EFHB: variants seen among roughly 807,000 people sequenced by gnomAD.
EFHB encodes EF-hand domain family member B, also known as EF-hand domain-containing family member B.
In EFHB, 91 loss-of-function variants were observed where a neutral mutation model predicts 87.2. The observed-to-expected ratio is 1.04, with a 90% CI of 0.88 to 1.24. EFHB has a LOEUF of 1.24. EFHB is among the 50% of genes most tolerant of loss of function. The probability of loss-of-function intolerance (pLI) is 0.00; values close to 1 mark genes in which losing one functional copy is unlikely to be tolerated. For synonymous variants in EFHB, 325 were observed against 333.6 expected (o/e 0.97, Z 0.28); for missense variants, 1,084 against 998.8 (o/e 1.09, Z -1.15).
At chr3:19,927,952 T>C (rs1695688341) in intron 1 of EFHB, among the ~76,000 whole-genome samples, 1 of 148,674 alleles carries the variant, frequency 6.7e-6, no homozygotes, top group Non-Finnish European at 1.5e-5. Context: ...ATATATAGTA[T>C]ATACTATATA....
At chr3:19,912,087 A>G (rs550217150) in intron 5 of EFHB, among the ~76,000 whole-genome samples, 40 of 152,202 alleles carry the variant, frequency 2.6e-4, no homozygotes, top group Non-Finnish European at 5.1e-4. Context: ...ATCAATATCC[A>G]AGTACAAGAA....
At chr3:19,940,089 C>G (rs1696122040) in intron 1 of EFHB, among the ~76,000 whole-genome samples, 1 of 152,124 alleles carries the variant, frequency 6.6e-6, no homozygotes, top group Non-Finnish European at 1.5e-5. Flanking sequence ...GGCTTACTTT[C>G]TATGTACTTC....
At chr3:19,920,714 T>A in intron 1 of EFHB, 147 bp from the exon 2 acceptor site, 1 of 584,306 alleles carries the variant, frequency 1.7e-6, no homozygotes, top group Non-Finnish European at 3.0e-6. Context: ...ATAGTAAATG[T>A]AAAGCAATCT....
chr3:19,926,907 G>A (rs183053048), intron 1 of EFHB, among the ~76,000 whole-genome samples: 6 of 151,952 alleles, frequency 3.9e-5, no homozygotes, highest in South Asian at 2.1e-4. Flanking sequence ...TGATCCACCC[G>A]CCTCGGCCTC....
rs1181118568 is a variant in EFHB, at chr3:19,882,665, C to A, written c.2213G>T (p.Ser738Ile). 6 of 1,613,672 alleles carry A rather than the reference C, an allele frequency of 3.7e-6. No individual in the cohort carries two copies. Among genetic ancestry groups the A allele is most frequent in the Non-Finnish European group, 5.1e-6 (6 of 1,179,822 alleles). The stretch of plus-strand genomic sequence containing the variant: ...TTCTTCACCATAATTAGTTCTGTCA[C>A]TGATGCGACGAATTCGGGGAGCAGG... ...DIPAPRIRRI[S>I]DRTNYGEEGS... The change falls in exon 12 of 13, where the codon AGT (serine) becomes ATT (isoleucine). Residue 738 changes from serine (S) to isoleucine (I), a missense_variant. By Grantham distance (142) the Ser-to-Ile change is moderately radical. Coordinates refer to ENST00000295824, the MANE Select transcript of EFHB (RefSeq NM_144715.4).
chr3:19,899,339 T>C (rs1180838710), intron 7 of EFHB, 93 bp downstream of exon 7: 1 of 767,476 alleles, frequency 1.3e-6, no homozygotes, highest in African/African-American at 1.8e-5. Context: ...ATTTAATAGA[T>C]AGAATCTAAT....
At chr3:19,908,590 G>GAAAGAAAGAA (rs1244772767) in intron 5 of EFHB, among the ~76,000 whole-genome samples, 17 of 111,222 alleles carry the variant, frequency 1.5e-4, no homozygotes, top group South Asian at 8.3e-4. Context: ...GAGAGAGAGA[G>GAAAGAAAGAA]AGAGAGAGAG....
intron 5 of EFHB, among the ~76,000 whole-genome samples, chr3:19,907,764 G>A (rs1043879411): frequency 2.0e-5 from 3 of 152,040 alleles, no homozygotes; most frequent in Non-Finnish European, 4.4e-5. Flanking sequence ...CAACCAAGAG[G>A]GTAAGAAATG....
rs759216974 is a variant in EFHB at position 19,918,328 on chromosome 3, G to A, written c.1081C>T (p.Arg361Ter). ...DKKESIYLSNRRAPLGKSHDQ... is the reference protein window; with the variant it reads ...DKKESIYLSN ...TGAGATTTTCCTAATGGTGCTCGTC[G>A]ATTGCTAAGATATATAGATTCTTTT... Residue 361 changes from arginine (R) to a stop codon, truncating the protein, a stop_gained, in exon 4 of 13, where the codon CGA becomes TGA. Coordinates refer to ENST00000295824, the MANE Select transcript of EFHB (RefSeq NM_144715.4). LOFTEE classifies it high-confidence loss of function. 69 of 1,612,864 alleles carry A rather than the reference G, an allele frequency of 4.3e-5. No homozygotes were observed. Among genetic ancestry groups the A allele is most frequent in the African/African-American group, 6.7e-5 (5 of 74,762 alleles).
intron 4 of EFHB, 139 bp downstream of exon 4, chr3:19,918,093 T>G (rs990342490): frequency 1.0e-6 from 1 of 1,002,946 alleles, no homozygotes; most frequent in African/African-American, 1.7e-5. Flanking sequence ...AGTAACTTTC[T>G]TGCAACAATC....
At chr3:19,928,775 T>C (rs1695721917) in intron 1 of EFHB, among the ~76,000 whole-genome samples, 1 of 152,154 alleles carries the variant, frequency 6.6e-6, no homozygotes, top group Non-Finnish European at 1.5e-5. Flanking sequence ...TTGTATTTTT[T>C]TTCTTATCAT....
chr3:19,891,408 CA>C (rs893066431), intron 9 of EFHB, among the ~76,000 whole-genome samples: 27 of 152,274 alleles, frequency 1.8e-4, no homozygotes, highest in African/African-American at 6.5e-4. Context: ...TCACCTGAAG[CA>C]AAGCCACTGG....
chr3:19,901,364 T>C (rs1452909511), intron 6 of EFHB, among the ~76,000 whole-genome samples: 1 of 152,212 alleles, frequency 6.6e-6, no homozygotes, highest in Non-Finnish European at 1.5e-5. Context: ...TTAATAACAT[T>C]AAAATTAATA....
At chr3:19,893,376 G>GA (rs1694370786) in intron 9 of EFHB, among the ~76,000 whole-genome samples, 1 of 152,158 alleles carries the variant, frequency 6.6e-6, no homozygotes, top group Non-Finnish European at 1.5e-5. Context: ...AGTTCTAGGT[G>GA]AAAATAGGAG....
chr3:19,946,579 T>A (rs917659470), intron 1 of EFHB, among the ~76,000 whole-genome samples: 5 of 152,186 alleles, frequency 3.3e-5, no homozygotes, highest in Non-Finnish European at 7.3e-5. Flanking sequence ...TAAAGGCGGC[T>A]TTTGGGATAG....
chr3:19,930,730 G>A (rs1315706295), intron 1 of EFHB, among the ~76,000 whole-genome samples: 1 of 152,082 alleles, frequency 6.6e-6, no homozygotes, highest in Non-Finnish European at 1.5e-5. Flanking sequence ...CCTCTCCCAA[G>A]TAGCTAGGAC....
At chr3:19,928,039 C>T (rs767258239) in intron 1 of EFHB, among the ~76,000 whole-genome samples, 35 of 151,036 alleles carry the variant, frequency 2.3e-4, no homozygotes, top group Admixed American at 1.7e-3. Flanking sequence ...AGCTGGGAAG[C>T]TTCTCAATTC....
intron 6 of EFHB, among the ~76,000 whole-genome samples, chr3:19,901,486 CT>C (rs1694668276): frequency 6.6e-6 from 1 of 152,264 alleles, no homozygotes; most frequent in Non-Finnish European, 1.5e-5. Flanking sequence ...GAATAAATTT[CT>C]GGAGAAGAGT....
intron 1 of EFHB, among the ~76,000 whole-genome samples, chr3:19,923,039 G>A (rs905342227): frequency 4.6e-5 from 7 of 152,062 alleles, no homozygotes; most frequent in African/African-American, 1.4e-4. Context: ...AGGCAAAGGC[G>A]GGCGGATCAC....
Sources: allele counts gnomAD v4.1 joint callset (sites outside exome capture counted in the v4.1 genomes callset), GRCh38; gene constraint gnomAD v4.1.1; transcripts MANE v1.5; gene names NCBI Gene and HGNC (gene_info 2026-07-23, HGNC 2026-07-21).